Variants in VWC2L observed in about 807,000 individuals in gnomAD.
VWC2L encodes the protein von Willebrand factor C domain-containing protein 2-like.
A neutral mutation model predicts 21.6 loss-of-function variants in VWC2L; 10 were observed. The ratio of observed to expected loss-of-function variants is 0.46; its 90% CI spans 0.29 to 0.78. The LOEUF (loss-of-function observed/expected upper bound fraction) is 0.78. Among genes scored for constraint, VWC2L ranks in the 30% least tolerant of loss-of-function variants. The probability of loss-of-function intolerance (pLI) is 0.10; values close to 1 mark genes in which losing one functional copy is unlikely to be tolerated. For missense variants in VWC2L, 209 were observed against 277.1 expected, an observed-to-expected ratio of 0.75 and a Z score of 1.74; for synonymous variants, 96 against 94.3, an observed-to-expected ratio of 1.02 and a Z score of -0.10.
At position 214,561,809 on chromosome 2, in the gene VWC2L, T is replaced by TATATATATATATATATATATATATATAC. The variant is rs1489588765; in HGVS notation, c.521-13862_521-13861insTATATATATATATATATATATATATACA. Reference sequence around the variant, plus strand: ...TTATATATATATATATATATATATATACACACACATATATAATTTTATATA... The same window carrying TATATATATATATATATATATATATATAC: ...TTATATATATATATATATATATATATATATATATATATATATATATATATATACACACACACATATATAATTTTATATA... On this transcript the variant is annotated intron_variant, in intron 3 of 3. Transcript: ENST00000312504. Among the ~76,000 whole-genome samples the TATATATATATATATATATATATATATAC allele has an allele frequency of 1.8e-3, 226 of 126,682 alleles. 3 individuals are homozygous for TATATATATATATATATATATATATATAC. The highest frequency in any genetic ancestry group is 2.6e-3 in the South Asian group (11 of 4,282). The allele number at this position is 126,682 out of a possible 152,430, so 83.1% of individuals were successfully genotyped here.
At chr2:214,451,317 G>T (rs529548197) in intron 3 of VWC2L, among the ~76,000 whole-genome samples, 21 of 149,212 alleles carry the variant, frequency 1.4e-4, no homozygotes, top group East Asian at 8.1e-4. Context: ...GTGGGGGGGG[G>T]GGGCAGTAAA....
chr2:214,554,000 T>C (rs1193534710), intron 3 of VWC2L, among the ~76,000 whole-genome samples: 2 of 152,150 alleles, frequency 1.3e-5, no homozygotes, highest in Non-Finnish European at 2.9e-5. Context: ...GTACATAGAA[T>C]TGCTCACATT....
chr2:214,568,336 T>G (rs1375778634), intron 3 of VWC2L, among the ~76,000 whole-genome samples: 1 of 152,208 alleles, frequency 6.6e-6, no homozygotes. Flanking sequence ...GTCAACTCCC[T>G]GAAGGCAAAA....
chr2:214,557,093 T>C (rs972337166), intron 3 of VWC2L, among the ~76,000 whole-genome samples: 1 of 152,140 alleles, frequency 6.6e-6, no homozygotes, highest in East Asian at 1.9e-4. Flanking sequence ...TATTAAATAA[T>C]GACTATTTGC....
chr2:214,503,978 A>G (rs1028895857), intron 3 of VWC2L, among the ~76,000 whole-genome samples: 4 of 53,628 alleles, frequency 7.5e-5, no homozygotes, highest in Non-Finnish European at 2.4e-4. Context: ...TTTGTTGACT[A>G]TAAGAAGACC....
chr2:214,517,422 G>C (rs903270123), intron 3 of VWC2L, among the ~76,000 whole-genome samples: 1 of 152,134 alleles, frequency 6.6e-6, no homozygotes, highest in Admixed American at 6.6e-5. Flanking sequence ...TTGGCTGCAC[G>C]TCTCAATCAG....
At chr2:214,496,807 G>T (rs147445689) in intron 3 of VWC2L, among the ~76,000 whole-genome samples, 1 of 152,086 alleles carries the variant, frequency 6.6e-6, no homozygotes, top group African/African-American at 2.4e-5. Flanking sequence ...CTCACCAGAC[G>T]CTTGGTTCTC....
At chr2:214,460,633 C>T (rs1407281245) in intron 3 of VWC2L, among the ~76,000 whole-genome samples, 2 of 152,084 alleles carry the variant, frequency 1.3e-5, no homozygotes, top group Non-Finnish European at 2.9e-5. Flanking sequence ...TTTTTTATAA[C>T]ATCTATTTCT....
chr2:214,444,125 C>T lies in VWC2L; in HGVS notation c.520+7367C>T, dbSNP rs1016416024. Among the ~76,000 whole-genome samples, 4 of 152,130 alleles carry T rather than the reference C, an allele frequency of 2.6e-5. No homozygotes were observed. The East Asian group carries it at 7.7e-4, about 29-fold the overall frequency. On this transcript the variant is annotated intron_variant, in intron 3 of 3. Coordinates refer to ENST00000312504, the MANE Select transcript of VWC2L (RefSeq NM_001080500.4). ...CAATAAAATATAATAGAAAGTTTAA[C>T]AGTCCTAACTACATATGAAAATTTG... is the stretch of plus-strand genomic sequence containing the variant.
intron 3 of VWC2L, among the ~76,000 whole-genome samples, chr2:214,521,147 C>G (rs961870245): frequency 1.3e-5 from 2 of 151,812 alleles, no homozygotes; most frequent in Admixed American, 6.6e-5. Context: ...ATGGTGTGAA[C>G]CTGGTAGGCG....
At chr2:214,543,113 T>A (rs988687737) in intron 3 of VWC2L, among the ~76,000 whole-genome samples, 18 of 152,316 alleles carry the variant, frequency 1.2e-4, no homozygotes, top group African/African-American at 3.8e-4. Context: ...AATGACAGCA[T>A]CTCTTTTAGG....
At chr2:214,505,022 C>G (rs1022946844) in intron 3 of VWC2L, among the ~76,000 whole-genome samples, 14 of 152,232 alleles carry the variant, frequency 9.2e-5, no homozygotes, top group African/African-American at 3.4e-4. Flanking sequence ...TCTTGATAGA[C>G]AGGAATGCTA....
At chr2:214,511,088 ACCAG>A (rs1005702454) in intron 3 of VWC2L, among the ~76,000 whole-genome samples, 2 of 151,972 alleles carry the variant, frequency 1.3e-5, no homozygotes, top group Non-Finnish European at 2.9e-5. Flanking sequence ...AGAGTCTGAG[ACCAG>A]CCCAGGCAAG....
chr2:214,414,479 A>C lies in VWC2L; in HGVS notation c.286A>C (p.Lys96Gln). 6.2e-7 allele frequency: 1 copy of C among 1,613,574 alleles called. No homozygotes were observed. The highest frequency in any genetic ancestry group is 8.5e-7 in the Non-Finnish European group (1 of 1,179,652). ...ACCAGAATGCCCTAAAATTCACCCAAAGTGTACTAAAGTGGAACACAATGG... is the reference window on the plus strand; with the variant it reads ...ACCAGAATGCCCTAAAATTCACCCACAGTGTACTAAAGTGGAACACAATGG... ...DQPECPKIHP[K>Q]CTKVEHNGCC... The change falls in exon 2 of 4, where the codon AAG becomes CAG. Residue 96 changes from lysine to glutamine, a missense_variant. Transcript: ENST00000312504.
intron 3 of VWC2L, among the ~76,000 whole-genome samples, chr2:214,492,105 C>G (rs558694694): frequency 2.0e-5 from 3 of 152,274 alleles, no homozygotes; most frequent in African/African-American, 7.2e-5. Flanking sequence ...AGCATAATGA[C>G]AGCTGATCTA....
intron 3 of VWC2L, among the ~76,000 whole-genome samples, chr2:214,552,995 C>G (rs953351722): frequency 6.6e-6 from 1 of 152,204 alleles, no homozygotes; most frequent in African/African-American, 2.4e-5. Context: ...TGGGCACCAT[C>G]TTATTTCCTT....
intron 3 of VWC2L, among the ~76,000 whole-genome samples, chr2:214,444,894 A>C (rs1032233534): frequency 3.3e-5 from 5 of 152,006 alleles, no homozygotes; most frequent in African/African-American, 1.2e-4. Context: ...AAATCTAAAA[A>C]ATCAAATCAT....
chr2:214,430,460 G>A (rs11681287), intron 2 of VWC2L, among the ~76,000 whole-genome samples: 19,411 of 152,006 alleles, frequency 0.13, 1,533 homozygotes, highest in East Asian at 0.25. Context: ...ATTGGAGTAG[G>A]AGAGATATAT....
chr2:214,441,598 T>A lies in VWC2L; in HGVS notation c.520+4840T>A, dbSNP rs1456215032. Among the ~76,000 whole-genome samples the A allele has an allele frequency of 3.3e-5, 5 of 152,006 alleles. No individual in the cohort carries two copies. In the East Asian group the frequency reaches 9.6e-4, roughly 29 times the overall value. ...CTTTCTTTCAAAATGTTTGTATCCC[T>A]CAAAGTCAGCAGTTTCACCTTTTGT... On this transcript the variant is annotated intron_variant, in intron 3 of 3. Coordinates refer to ENST00000312504, the MANE Select transcript of VWC2L (RefSeq NM_001080500.4).
Sources: allele counts gnomAD v4.1 joint callset (sites outside exome capture counted in the v4.1 genomes callset), GRCh38; gene constraint gnomAD v4.1.1; transcripts MANE v1.5; gene names NCBI Gene and HGNC (gene_info 2026-07-23, HGNC 2026-07-21).